Variants in B3GALT1 observed in about 807,000 individuals in gnomAD.
B3GALT1 encodes the protein beta-1,3-galactosyltransferase 1.
B3GALT1 carries 10 observed loss-of-function variants against 23.2 expected under a neutral mutation model. The ratio of observed to expected loss-of-function variants is 0.43; its 90% CI spans 0.27 to 0.73. The LOEUF (loss-of-function observed/expected upper bound fraction) is 0.73, where lower values mean the gene tolerates loss of function less well. Among genes scored for constraint, B3GALT1 ranks in the 30% least tolerant of loss-of-function variants. The pLI is 0.21. For missense variants in B3GALT1, 299 were observed against 405.4 expected (o/e 0.74, Z 2.25); for synonymous variants, 156 against 141.5 (o/e 1.10, Z -0.73).
intron 1 of B3GALT1, among the ~76,000 whole-genome samples, chr2:167,309,854 G>A (rs533559503): frequency 6.6e-6 from 1 of 151,940 alleles, no homozygotes; most frequent in Non-Finnish European, 1.5e-5. Flanking sequence ...TCAAATGTTG[G>A]TTTTCAGTAA....
At chr2:167,655,415 C>T (rs1016099903) in intron 3 of B3GALT1, among the ~76,000 whole-genome samples, 1 of 152,082 alleles carries the variant, frequency 6.6e-6, no homozygotes, top group Non-Finnish European at 1.5e-5. Flanking sequence ...CACAAATCAA[C>T]CACAAATAAC....
At chr2:167,806,757 G>A (rs544805683) in intron 3 of B3GALT1, among the ~76,000 whole-genome samples, 1 of 152,292 alleles carries the variant, frequency 6.6e-6, no homozygotes, top group Admixed American at 6.5e-5. Flanking sequence ...GTACATCAGG[G>A]ATATTGGTCT....
chr2:167,813,080 G>C (rs1273963284), intron 3 of B3GALT1, among the ~76,000 whole-genome samples: 3 of 141,440 alleles, frequency 2.1e-5, no homozygotes, highest in Non-Finnish European at 4.5e-5. Flanking sequence ...TCTGTCTTCA[G>C]AAAGACACAA....
chr2:167,594,429 G>A (rs1684741443), intron 2 of B3GALT1, among the ~76,000 whole-genome samples: 2 of 152,114 alleles, frequency 1.3e-5, no homozygotes, highest in African/African-American at 2.4e-5. Flanking sequence ...CACCATAGAG[G>A]ATTACTAAAT....
At chr2:167,559,506 C>A (rs928253094) in intron 2 of B3GALT1, among the ~76,000 whole-genome samples, 8 of 152,118 alleles carry the variant, frequency 5.3e-5, no homozygotes, top group African/African-American at 1.9e-4. Flanking sequence ...TCGAACTACT[C>A]CAAGCTACAG....
rs370882074 is a variant in B3GALT1 at position 167,755,124 on chromosome 2, C to T, written c.-351-63548C>T. On this transcript the variant is annotated intron_variant, in intron 3 of 4. Transcript: ENST00000392690. The stretch of plus-strand genomic sequence containing the variant: ...ACAGGTTGGTTTACAATTCAAAATT[C>T]GAAGCATAGTTTCCTCTGGAAACCA... 5.7e-4 allele frequency among the ~76,000 whole-genome samples: 86 copies of T among 152,200 alleles called. No individual in the cohort carries two copies. In the South Asian group the frequency reaches 0.017, roughly 31 times the overall value.
In B3GALT1 at chr2:167,647,540, C is replaced by T. The variant is rs369561710; in HGVS notation, c.-352+574C>T. On this transcript the variant is annotated intron_variant, in intron 3 of 4. Coordinates refer to ENST00000392690, the MANE Select transcript of B3GALT1 (RefSeq NM_020981.4). Reference sequence around the variant, plus strand: ...CCAGAGTATCCTTAACATTTGAAACCCTTAGAAAGAGTACTAGAGGTGGTC... The same window carrying T: ...CCAGAGTATCCTTAACATTTGAAACTCTTAGAAAGAGTACTAGAGGTGGTC... Among the ~76,000 whole-genome samples, 307 of 152,256 alleles carry T rather than the reference C, an allele frequency of 2.0e-3. 4 individuals carry two copies. In the East Asian group the frequency reaches 0.036, roughly 18 times the overall value.
intron 2 of B3GALT1, among the ~76,000 whole-genome samples, chr2:167,579,466 C>G (rs564781351): frequency 5.0e-5 from 4 of 80,112 alleles, no homozygotes; most frequent in Non-Finnish European, 8.5e-5. Flanking sequence ...ATTCTGATGT[C>G]TGGTCTCCAC....
intron 1 of B3GALT1, among the ~76,000 whole-genome samples, chr2:167,392,163 A>C (rs1174601824): frequency 1.3e-5 from 2 of 151,790 alleles, no homozygotes; most frequent in Admixed American, 6.6e-5. Context: ...CTAGACCAGA[A>C]ATATCTCTTT....
At position 167,851,232 on chromosome 2, in the gene B3GALT1, A is replaced by G. The variant is rs1574301296; in HGVS notation, c.-229-17579A>G. On this transcript the variant is annotated intron_variant, in intron 4 of 4. Transcript: ENST00000392690. ...TTAAAAAAATCAAGAATAATAAGCT[A>G]CTAAATTTACAAGAATTAAAAAAAA... is the stretch of plus-strand genomic sequence containing the variant. Among the ~76,000 whole-genome samples, 11 of 152,308 alleles carry G rather than the reference A, an allele frequency of 7.2e-5. 1 individual carries two copies. The South Asian group carries it at 2.3e-3, about 32-fold the overall frequency.
chr2:167,556,654 A>G (rs1317329390), intron 2 of B3GALT1, among the ~76,000 whole-genome samples: 1 of 152,226 alleles, frequency 6.6e-6, no homozygotes, highest in Non-Finnish European at 1.5e-5. Context: ...AATATTTACC[A>G]AAGAGTTGTA....
chr2:167,427,097 A>G (rs1178860897), intron 1 of B3GALT1, among the ~76,000 whole-genome samples: 1 of 152,230 alleles, frequency 6.6e-6, no homozygotes, highest in Non-Finnish European at 1.5e-5. Flanking sequence ...GTACAAAGGG[A>G]CACACAATAT....
At position 167,516,952 on chromosome 2, in the gene B3GALT1, A is replaced by G. The variant is rs200094877; in HGVS notation, c.-410+26675A>G. Among the ~76,000 whole-genome samples, 590 of 91,552 alleles carry G rather than the reference A, an allele frequency of 6.4e-3. 11 individuals are homozygous for G. The highest frequency in any genetic ancestry group is 0.061 in the East Asian group (9 of 148). 60.1% of individuals were successfully genotyped at this position (91,552 alleles called of 152,430 possible). A position where few individuals can be genotyped will look rare whatever the true frequency, so the allele number is the denominator to read the frequency against. On this transcript the variant is annotated intron_variant, in intron 2 of 4. Coordinates refer to ENST00000392690, the MANE Select transcript of B3GALT1 (RefSeq NM_020981.4). ...GACATATAAGTACTTCTGTGTGTGT[A>G]TATATATATATATATATATGACACT...
intron 3 of B3GALT1, among the ~76,000 whole-genome samples, chr2:167,662,089 A>G (rs992499737): frequency 1.3e-5 from 2 of 149,638 alleles, no homozygotes; most frequent in African/African-American, 4.9e-5. Context: ...AAAAAAAAGC[A>G]GCAAGTTTTT....
chr2:167,338,145 A>G lies in B3GALT1; in HGVS notation c.-511+44811A>G, dbSNP rs952267589. 1.9e-4 allele frequency among the ~76,000 whole-genome samples: 29 copies of G among 152,214 alleles called. 1 individual carries two copies. Among genetic ancestry groups the G allele is most frequent in the Admixed American group, 3.9e-4 (6 of 15,274 alleles). On this transcript the variant is annotated intron_variant, in intron 1 of 4. Transcript: ENST00000392690. The stretch of plus-strand genomic sequence containing the variant: ...GTTTTAGGAAAATTTAATAAGGTCA[A>G]AATGGTCACACACAACAGCCAATAT...
At chr2:167,370,942 A>G (rs1360563875) in intron 1 of B3GALT1, among the ~76,000 whole-genome samples, 2 of 152,146 alleles carry the variant, frequency 1.3e-5, no homozygotes, top group Admixed American at 1.3e-4. Context: ...AAGCAAACAA[A>G]CAAACAAAAA....
At chr2:167,804,179 G>T (rs574205544) in intron 3 of B3GALT1, among the ~76,000 whole-genome samples, 1 of 151,984 alleles carries the variant, frequency 6.6e-6, no homozygotes, top group South Asian at 2.1e-4. Context: ...TAGTAGAGAC[G>T]AGATTTCACC....
intron 2 of B3GALT1, among the ~76,000 whole-genome samples, chr2:167,614,746 T>C (rs966825812): frequency 6.6e-6 from 1 of 152,036 alleles, no homozygotes; most frequent in African/African-American, 2.4e-5. Context: ...GGATTTATAA[T>C]TATAATGCAA....
chr2:167,593,397 C>G (rs1000638736), intron 2 of B3GALT1, among the ~76,000 whole-genome samples: 3 of 151,974 alleles, frequency 2.0e-5, no homozygotes, highest in Non-Finnish European at 4.4e-5. Flanking sequence ...TTTTCCTAAC[C>G]GCACACAATA....
Sources: allele counts gnomAD v4.1 joint callset (sites outside exome capture counted in the v4.1 genomes callset), GRCh38; gene constraint gnomAD v4.1.1; transcripts MANE v1.5; gene names NCBI Gene and HGNC (gene_info 2026-07-23, HGNC 2026-07-21).